Variants in SLCO4C1 observed in about 807,000 individuals in gnomAD.
SLCO4C1 encodes organic anion transporter M1.
A neutral mutation model predicts 72.1 loss-of-function variants in SLCO4C1; 58 were observed. The ratio of observed to expected loss-of-function variants is 0.80; its 90% CI spans 0.65 to 1.00. The LOEUF (loss-of-function observed/expected upper bound fraction) is 1.00, where lower values mean the gene tolerates loss of function less well. SLCO4C1 is among the 50% of genes least tolerant of loss of function. The pLI is 0.00. For missense variants in SLCO4C1, 898 were observed against 857.9 expected (o/e 1.05, Z -0.58); for synonymous variants, 297 against 312.5 (o/e 0.95, Z 0.52).
intron 7 of SLCO4C1, 95 bp from the exon 8 acceptor site, chr5:102,257,405 G>T: frequency 4.2e-6 from 4 of 950,524 alleles, no homozygotes; most frequent in Non-Finnish European, 4.5e-6. Flanking sequence ...TGTCAATATG[G>T]TTTTAACTTA....
chr5:102,268,005 T>G (rs990160255), intron 3 of SLCO4C1, among the ~76,000 whole-genome samples: 3 of 152,048 alleles, frequency 2.0e-5, no homozygotes, highest in African/African-American at 7.3e-5. Context: ...ACTTTGTGGC[T>G]TCATATGGTC....
intron 10 of SLCO4C1, among the ~76,000 whole-genome samples, chr5:102,244,805 C>G (rs1748608252): frequency 6.6e-6 from 1 of 152,138 alleles, no homozygotes; most frequent in Admixed American, 6.5e-5. Flanking sequence ...AAATATCCTT[C>G]AAACATGAAG....
At chr5:102,273,110 G>C (rs1439523418) in intron 2 of SLCO4C1, among the ~76,000 whole-genome samples, 1 of 151,908 alleles carries the variant, frequency 6.6e-6, no homozygotes, top group Non-Finnish European at 1.5e-5. Context: ...AAAGAATAGA[G>C]ACTGTGAGAA....
chr5:102,293,408 G>C (rs1749591561), intron 1 of SLCO4C1, among the ~76,000 whole-genome samples: 1 of 151,974 alleles, frequency 6.6e-6, no homozygotes, highest in Non-Finnish European at 1.5e-5. Flanking sequence ...TGAATTCTAT[G>C]CTATACAAGT....
At chr5:102,238,964 A>G (rs1019543199) in intron 12 of SLCO4C1, among the ~76,000 whole-genome samples, 2 of 152,122 alleles carry the variant, frequency 1.3e-5, no homozygotes, top group African/African-American at 4.8e-5. Context: ...ATACTTTCCA[A>G]AAATGTTTGA....
chr5:102,266,238 C>T (rs1400040879), intron 3 of SLCO4C1, among the ~76,000 whole-genome samples: 1 of 152,014 alleles, frequency 6.6e-6, no homozygotes, highest in East Asian at 1.9e-4. Flanking sequence ...AAGACTATGT[C>T]ATCTGTGGAG....
chr5:102,250,694 A>G (rs1490896396), intron 8 of SLCO4C1, among the ~76,000 whole-genome samples: 1 of 152,190 alleles, frequency 6.6e-6, no homozygotes, highest in Non-Finnish European at 1.5e-5. Context: ...ATGCGATTTA[A>G]AAAATGAGTA....
At chr5:102,263,122 C>T (rs1748971861) in intron 4 of SLCO4C1, among the ~76,000 whole-genome samples, 2 of 152,268 alleles carry the variant, frequency 1.3e-5, no homozygotes, top group Non-Finnish European at 2.9e-5. Flanking sequence ...AACTACTTTG[C>T]AGAATACTTG....
chr5:102,269,988 T>C (rs1447389419), intron 3 of SLCO4C1, among the ~76,000 whole-genome samples: 1 of 152,132 alleles, frequency 6.6e-6, no homozygotes, highest in Non-Finnish European at 1.5e-5. Context: ...ATCTGTGAGA[T>C]CCTCAGTGGC....
intron 2 of SLCO4C1, among the ~76,000 whole-genome samples, chr5:102,281,575 G>T (rs1331397038): frequency 1.3e-5 from 2 of 151,938 alleles, no homozygotes; most frequent in African/African-American, 4.8e-5. Context: ...AAACATAAAT[G>T]TCTCTCTAAA....
intron 9 of SLCO4C1, among the ~76,000 whole-genome samples, chr5:102,249,406 G>A (rs1368570404): frequency 1.3e-5 from 2 of 152,076 alleles, no homozygotes; most frequent in Non-Finnish European, 2.9e-5. Context: ...TTTCATAACT[G>A]CAACAAAGTG....
At chr5:102,241,852 G>GGA (rs1164729624) in intron 10 of SLCO4C1, among the ~76,000 whole-genome samples, 1 of 105,990 alleles carries the variant, frequency 9.4e-6, no homozygotes, top group Non-Finnish European at 1.9e-5. Flanking sequence ...TATCTACACA[G>GGA]AAAAAAAAAC....
intron 6 of SLCO4C1, 102 bp from the exon 7 acceptor site, chr5:102,258,189 TC>T: frequency 2.1e-6 from 2 of 954,254 alleles, no homozygotes; most frequent in Non-Finnish European, 2.9e-6. Context: ...TTTACAATCA[TC>T]TGTAAAATTT....
chr5:102,279,536 G>T lies in SLCO4C1; in HGVS notation c.620-8730C>A, dbSNP rs535106308. Among the ~76,000 whole-genome samples the T allele has an allele frequency of 7.6e-4, 115 of 152,032 alleles. 1 individual carries two copies. In the South Asian group the frequency reaches 0.023, roughly 31 times the overall value. ...AAATCAATTTCAGAAAATAGTAGAGGAGGAACATTTCTCAATTTATTGTAT... is the reference window on the plus strand; with the variant it reads ...AAATCAATTTCAGAAAATAGTAGAGTAGGAACATTTCTCAATTTATTGTAT... On this transcript the variant is annotated intron_variant, in intron 2 of 12. Transcript: ENST00000310954.
At chr5:102,257,369 G>GACAACTGGAAA in intron 7 of SLCO4C1, 59 bp from the exon 8 acceptor site, 1 of 1,323,976 alleles carries the variant, frequency 7.6e-7, no homozygotes, top group Non-Finnish European at 1.0e-6. Flanking sequence ...CACTCATACT[G>GACAACTGGAAA]ACAACTGGAA....
At chr5:102,262,687 G>A (rs1212114371) in intron 4 of SLCO4C1, among the ~76,000 whole-genome samples, 1 of 152,122 alleles carries the variant, frequency 6.6e-6, no homozygotes, top group East Asian at 1.9e-4. Context: ...ACAGGTATGA[G>A]CCACTGTGCC....
chr5:102,266,856 A>G (rs1181744589), intron 3 of SLCO4C1, among the ~76,000 whole-genome samples: 1 of 152,176 alleles, frequency 6.6e-6, no homozygotes, highest in African/African-American at 2.4e-5. Context: ...GAGTTTCATC[A>G]AATACATTTC....
At chr5:102,251,468 TG>T (rs1186486847) in intron 8 of SLCO4C1, among the ~76,000 whole-genome samples, 2 of 152,002 alleles carry the variant, frequency 1.3e-5, no homozygotes, top group East Asian at 3.9e-4. Context: ...CTGTTAAAAA[TG>T]GAAGAGGCTA....
At chr5:102,290,434 A>C (rs1749531040) in intron 2 of SLCO4C1, among the ~76,000 whole-genome samples, 1 of 152,232 alleles carries the variant, frequency 6.6e-6, no homozygotes, top group African/African-American at 2.4e-5. Flanking sequence ...TGAATGATCC[A>C]TCTCCATGAC....
Sources: gnomAD v4.1 joint callset for allele counts (sites outside exome capture counted in the v4.1 genomes callset) on GRCh38, gnomAD v4.1.1 for gene constraint, MANE v1.5 for transcripts, NCBI Gene and HGNC (gene_info 2026-07-23, HGNC 2026-07-21) for gene names.